The following ADGRE3 variants were observed in gnomAD, a reference collection of about 807,000 sequenced individuals.
ADGRE3 encodes adhesion G protein-coupled receptor E3, also known as EGF-like module receptor 3.
ADGRE3 carries 88 observed loss-of-function variants against 80.1 expected under a neutral mutation model. The ratio of observed to expected loss-of-function variants is 1.10; its 90% CI spans 0.93 to 1.31. ADGRE3 has a LOEUF of 1.31. Ranked by LOEUF, ADGRE3 falls within the 40% of genes most tolerant of loss-of-function variation. The pLI, the probability that ADGRE3 is intolerant of heterozygous loss-of-function variation, is 0.00. For missense variants in ADGRE3, 715 were observed against 776.5 expected (o/e 0.92, Z 0.94); for synonymous variants, 281 against 294.8 (o/e 0.95, Z 0.48).
chr19:14,666,588 G>A (rs1307209140), intron 2 of ADGRE3, among the ~76,000 whole-genome samples: 2 of 152,274 alleles, frequency 1.3e-5, no homozygotes, highest in East Asian at 3.9e-4. Flanking sequence ...TGTTGGCCAA[G>A]CTGGTCTCAA....
chr19:14,636,373 AATTTTTGTATTTTTAGT>A (rs898109428), intron 11 of ADGRE3, among the ~76,000 whole-genome samples: 3 of 150,394 alleles, frequency 2.0e-5, no homozygotes, highest in Non-Finnish European at 4.4e-5. Context: ...ACGTCTGGCT[AATTTTTGTATTTTTAGT>A]AGAGATGGGT....
chr19:14,659,154 T>C (rs1433379807), intron 4 of ADGRE3, among the ~76,000 whole-genome samples: 2 of 151,210 alleles, frequency 1.3e-5, no homozygotes, highest in African/African-American at 4.9e-5. Context: ...TCCACCTCAG[T>C]CCCCCAAGTA....
At chr19:14,663,787 C>T (rs549346921) in intron 2 of ADGRE3, among the ~76,000 whole-genome samples, 48 of 151,616 alleles carry the variant, frequency 3.2e-4, no homozygotes, top group Middle Eastern at 3.4e-3. Context: ...TGCAGTGAGC[C>T]GAGATTGTGC....
At position 14,644,425 on chromosome 19, in the gene ADGRE3, A is replaced by G. The variant is rs980939696; in HGVS notation, c.883-150T>C. 6.1e-5 allele frequency: 30 copies of G among 493,542 alleles called. No homozygotes were observed. In the East Asian group the frequency reaches 7.2e-4, roughly 12 times the overall value. The allele number at this position is 493,542 out of a possible 1,614,324, so 30.6% of individuals were successfully genotyped here. ...AACCTCCGCTTCCTGGGTTCAAGCG[A>G]TTCTCCTGCCTCAGCCTCCCAAGTA... On this transcript the variant is annotated intron_variant, in intron 8 of 15. Transcript: ENST00000253673.
At chr19:14,655,208 T>C in intron 5 of ADGRE3, 43 bp from the exon 6 acceptor site, 4 of 1,549,828 alleles carry the variant, frequency 2.6e-6, no homozygotes, top group Non-Finnish European at 3.5e-6. Flanking sequence ...AAATGTAATC[T>C]GGTAAGTCCC....
intron 3 of ADGRE3, among the ~76,000 whole-genome samples, chr19:14,662,596 G>A (rs922965957): frequency 6.6e-6 from 1 of 152,080 alleles, no homozygotes; most frequent in African/African-American, 2.4e-5. Context: ...ATGTTGGCCA[G>A]GCTGGTCTCA....
intron 6 of ADGRE3, 38 bp downstream of exon 6, chr19:14,654,944 C>T: frequency 1.3e-6 from 2 of 1,546,730 alleles, no homozygotes; most frequent in Non-Finnish European, 1.8e-6. Context: ...AGCTGCTAAC[C>T]AGTCCCCAGG....
In ADGRE3 at chr19:14,647,237, G is replaced by T. The variant is rs1971434298; in HGVS notation, c.826C>A (p.Pro276Thr). ...TTGGAGAGAGACACGTTCCTTTTGGGTCCAATAGCAGCACTCACAACCTGA... is the reference window on the plus strand; with the variant it reads ...TTGGAGAGAGACACGTTCCTTTTGGTTCCAATAGCAGCACTCACAACCTGA... Reference protein sequence around the residue: ...NSQVVSAAIGPKRNVSLSKSV... With the variant: ...NSQVVSAAIGTKRNVSLSKSV... Residue 276 changes from proline (P) to threonine (T), a missense_variant, in exon 8 of 16, where the codon CCC (proline) becomes ACC (threonine). Coordinates refer to ENST00000253673, the MANE Select transcript of ADGRE3 (RefSeq NM_032571.5). 6.2e-7 allele frequency: 1 copy of T among 1,613,944 alleles called. No individual in the cohort carries two copies. The highest frequency in any genetic ancestry group is 1.3e-5 in the African/African-American group (1 of 74,996).
At chr19:14,617,344 T>TCTCTC (rs774654059), downstream of ADGRE3, among the ~76,000 whole-genome samples, 80 of 49,370 alleles carry the variant, frequency 1.6e-3, no homozygotes, top group African/African-American at 5.6e-3. Context: ...CTCCCTCCCT[T>TCTCTC]TCTTTCTTTC....
chr19:14,620,389 C>CATGTATATATGAATATATATGTATATTA (rs1970507873), intron 15 of ADGRE3, among the ~76,000 whole-genome samples: 2 of 119,890 alleles, frequency 1.7e-5, no homozygotes, highest in Non-Finnish European at 3.6e-5. Flanking sequence ...TTCATATATA[C>CATGTATATATGAATATATATGTATATTA]ATGTATATAT....
chr19:14,646,376 A>G (rs535105995), intron 8 of ADGRE3, among the ~76,000 whole-genome samples: 209 of 152,292 alleles, frequency 1.4e-3, no homozygotes, highest in African/African-American at 4.7e-3. Context: ...GGCCTCCCAA[A>G]GTGCTGGGAT....
downstream of ADGRE3, among the ~76,000 whole-genome samples, chr19:14,615,454 T>A (rs554603294): frequency 1.0e-3 from 158 of 151,868 alleles, no homozygotes; most frequent in Admixed American, 2.0e-3. Flanking sequence ...TTAAAAAAAA[T>A]TTTTTTTAGA....
At chr19:14,600,683 G>A in the ADGRE3 span, among the ~76,000 whole-genome samples, 19 of 151,042 alleles carry the variant, frequency 1.3e-4, no homozygotes, top group Non-Finnish European at 1.8e-4. Context: ...CCGGGTTCAC[G>A]CCATTCTCCT....
chr19:14,638,926 G>A (rs1260329396), intron 10 of ADGRE3, among the ~76,000 whole-genome samples: 2 of 152,126 alleles, frequency 1.3e-5, no homozygotes, highest in African/African-American at 4.8e-5. Flanking sequence ...CTTTGTGACA[G>A]GATCTCACTC....
chr19:14,637,559 A>T (rs1211388953), intron 11 of ADGRE3, among the ~76,000 whole-genome samples: 1 of 146,574 alleles, frequency 6.8e-6, no homozygotes, highest in African/African-American at 2.5e-5. Flanking sequence ...ATGCTTGGCT[A>T]TTTTTTTTTT....
chr19:14,630,998 C>T (rs1293807647), intron 13 of ADGRE3, among the ~76,000 whole-genome samples: 5 of 151,982 alleles, frequency 3.3e-5, no homozygotes, highest in African/African-American at 7.2e-5. Context: ...CTCAGCCTCC[C>T]GAGTAGCTGG....
intron 14 of ADGRE3, 111 bp downstream of exon 14, chr19:14,629,928 G>A: frequency 6.2e-6 from 4 of 643,596 alleles, no homozygotes; most frequent in Non-Finnish European, 7.7e-6. Context: ...GTTTACAGGT[G>A]GATTATAATC....
At chr19:14,617,939 T>C (rs1024667924), downstream of ADGRE3, among the ~76,000 whole-genome samples, 2 of 152,256 alleles carry the variant, frequency 1.3e-5, no homozygotes, top group Non-Finnish European at 2.9e-5. Context: ...TAAAATATCT[T>C]CTTAAATGTA....
intron 15 of ADGRE3, chr19:14,622,313 G>C: frequency 1.9e-6 from 1 of 520,994 alleles, no homozygotes; most frequent in East Asian, 3.1e-5. Flanking sequence ...CAAAAGACTT[G>C]AGACAGGATG....
Sources: gnomAD v4.1 joint callset for allele counts (sites outside exome capture counted in the v4.1 genomes callset) on GRCh38, gnomAD v4.1.1 for gene constraint, MANE v1.5 for transcripts, NCBI Gene and HGNC (gene_info 2026-07-23, HGNC 2026-07-21) for gene names.